GRIK2: variants seen among roughly 807,000 people sequenced by gnomAD.
GRIK2 encodes the protein glutamate ionotropic receptor kainate type subunit 2.
Under a neutral mutation model 100.3 loss-of-function variants are expected in GRIK2, and 32 were observed. The observed-to-expected ratio is 0.32, with a 90% CI of 0.24 to 0.43. The LOEUF (loss-of-function observed/expected upper bound fraction) is 0.43. Among genes scored for constraint, GRIK2 ranks in the 20% least tolerant of loss-of-function variants. The probability of loss-of-function intolerance (pLI) is 1.00; values close to 1 mark genes in which losing one functional copy is unlikely to be tolerated. For synonymous variants in GRIK2, 417 were observed against 389.4 expected (o/e 1.07, Z -0.83); for missense variants, 843 against 1,114.9 (o/e 0.76, Z 3.47).
intron 14 of GRIK2, among the ~76,000 whole-genome samples, chr6:101,938,644 A>C (rs1934670): frequency 0.034 from 5,127 of 152,176 alleles, 305 homozygotes; most frequent in African/African-American, 0.12. Context: ...ATGTGTATTC[A>C]GAGAAGTACT....
At chr6:101,934,063 C>G (rs1052169489) in intron 14 of GRIK2, among the ~76,000 whole-genome samples, 14 of 151,406 alleles carry the variant, frequency 9.2e-5, no homozygotes, top group African/African-American at 3.4e-4. Context: ...TTCTAAATTC[C>G]AGCTCATTTA....
intron 7 of GRIK2, among the ~76,000 whole-genome samples, chr6:101,728,099 A>G (rs1775000613): frequency 6.6e-6 from 1 of 152,072 alleles, no homozygotes; most frequent in African/African-American, 2.4e-5. Flanking sequence ...AATCAAAAAT[A>G]TCTAATTTGA....
At chr6:102,029,345 C>G (rs912358846) in intron 14 of GRIK2, among the ~76,000 whole-genome samples, 2 of 151,274 alleles carry the variant, frequency 1.3e-5, no homozygotes, top group East Asian at 1.9e-4. Flanking sequence ...TTGTTTTCCA[C>G]GTATAATCTT....
intron 11 of GRIK2, among the ~76,000 whole-genome samples, chr6:101,884,995 A>G (rs1462126159): frequency 1.3e-5 from 2 of 152,078 alleles, no homozygotes; most frequent in Non-Finnish European, 2.9e-5. Context: ...CCAGGGAGGG[A>G]AACTTTACCA....
chr6:102,040,230 T>C (rs1055269098), intron 15 of GRIK2, among the ~76,000 whole-genome samples: 1 of 151,490 alleles, frequency 6.6e-6, no homozygotes, highest in African/African-American at 2.4e-5. Flanking sequence ...AAAAATAATT[T>C]TAGCCATACA....
At chr6:101,469,997 T>C (rs1771860041) in intron 2 of GRIK2, among the ~76,000 whole-genome samples, 1 of 152,186 alleles carries the variant, frequency 6.6e-6, no homozygotes, top group South Asian at 2.1e-4. Context: ...TTCTACTACC[T>C]GGGAGCTGAT....
chr6:101,998,694 T>G (rs1377827354), intron 14 of GRIK2, among the ~76,000 whole-genome samples: 1 of 152,128 alleles, frequency 6.6e-6, no homozygotes, highest in Non-Finnish European at 1.5e-5. Context: ...TTTTCCTTAA[T>G]GTATAATGTT....
chr6:101,951,692 T>C (rs1446845489), intron 14 of GRIK2, among the ~76,000 whole-genome samples: 2 of 152,168 alleles, frequency 1.3e-5, no homozygotes, highest in African/African-American at 2.4e-5. Context: ...GTTCTGGTGA[T>C]AGTGAATAAG....
In GRIK2 at chr6:101,633,919, G is replaced by A. The variant is rs1780885717; in HGVS notation, c.541+7282G>A. Among the ~76,000 whole-genome samples the A allele has an allele frequency of 2.6e-5, 4 of 152,132 alleles. No homozygotes were observed. In the South Asian group the frequency reaches 8.3e-4, roughly 31 times the overall value. ...GTGATAGATCTGGGTTTTGAAACTAGGCAGTCAACTTTAGAATCTACTCTG... is the reference window on the plus strand; with the variant it reads ...GTGATAGATCTGGGTTTTGAAACTAAGCAGTCAACTTTAGAATCTACTCTG... On this transcript the variant is annotated intron_variant, in intron 4 of 16. Transcript: ENST00000369134.
intron 2 of GRIK2, among the ~76,000 whole-genome samples, chr6:101,604,941 A>G (rs1056714437): frequency 4.6e-5 from 7 of 151,998 alleles, no homozygotes; most frequent in African/African-American, 1.7e-4. Context: ...GACAAGAACA[A>G]TATAGTAAAA....
chr6:101,844,747 T>C (rs1421592905), intron 10 of GRIK2, among the ~76,000 whole-genome samples: 4 of 152,124 alleles, frequency 2.6e-5, no homozygotes, highest in African/African-American at 4.8e-5. Context: ...ACATGTCTCA[T>C]TTTTTTCTTT....
At chr6:101,906,670 G>A (rs1788251803) in intron 12 of GRIK2, among the ~76,000 whole-genome samples, 1 of 151,718 alleles carries the variant, frequency 6.6e-6, no homozygotes, top group Non-Finnish European at 1.5e-5. Context: ...TTTCAGTGTT[G>A]AGAATTGCCT....
chr6:101,657,121 C>T (rs1207711501), intron 4 of GRIK2, among the ~76,000 whole-genome samples: 1 of 152,136 alleles, frequency 6.6e-6, no homozygotes, highest in Admixed American at 6.6e-5. Flanking sequence ...ATGATTATTA[C>T]ATTTACTGAG....
intron 2 of GRIK2, among the ~76,000 whole-genome samples, chr6:101,579,504 C>A (rs1361899159): frequency 7.5e-6 from 1 of 133,962 alleles, no homozygotes; most frequent in Non-Finnish European, 1.6e-5. Flanking sequence ...CTTTCTTTTT[C>A]TTTTTCTTCT....
At chr6:101,851,483 G>A (rs1784122806) in intron 10 of GRIK2, among the ~76,000 whole-genome samples, 1 of 151,732 alleles carries the variant, frequency 6.6e-6, no homozygotes, top group South Asian at 2.1e-4. Flanking sequence ...ATTTAAAATA[G>A]AGACAATTAT....
chr6:101,785,373 T>C (rs187421538), intron 7 of GRIK2, among the ~76,000 whole-genome samples: 1 of 152,318 alleles, frequency 6.6e-6, no homozygotes, highest in Non-Finnish European at 1.5e-5. Flanking sequence ...TTTGGGTCCT[T>C]AGCCATAGAG....
chr6:101,666,423 A>C (rs1478527374), intron 4 of GRIK2, among the ~76,000 whole-genome samples: 3 of 152,346 alleles, frequency 2.0e-5, no homozygotes, highest in Non-Finnish European at 1.5e-5. Flanking sequence ...CTGGCCACCC[A>C]CTTGGCTGAC....
rs1789400840 is a variant in GRIK2 at position 101,920,262 on chromosome 6, T to C, written c.1749-4339T>C. Among the ~76,000 whole-genome samples, 7 of 151,956 alleles carry C rather than the reference T, an allele frequency of 4.6e-5. No individual in the cohort carries two copies. In the South Asian group the frequency reaches 1.4e-3, roughly 31 times the overall value. ...AATAGCTTGAATTAGTGGACATTTA[T>C]TTCTCTCTCATCCCCAATCGAGAGA... On this transcript the variant is annotated intron_variant, in intron 12 of 16. Coordinates refer to ENST00000369134, the MANE Select transcript of GRIK2 (RefSeq NM_021956.5).
intron 2 of GRIK2, among the ~76,000 whole-genome samples, chr6:101,495,079 T>G (rs1204507868): frequency 2.7e-5 from 4 of 150,010 alleles, no homozygotes; most frequent in African/African-American, 9.8e-5. Flanking sequence ...ATTATATCAA[T>G]TATGTTCTCT....
Sources: allele counts gnomAD v4.1 joint callset (sites outside exome capture counted in the v4.1 genomes callset), GRCh38; gene constraint gnomAD v4.1.1; transcripts MANE v1.5; gene names NCBI Gene and HGNC (gene_info 2026-07-23, HGNC 2026-07-21).